Variants in ROBO2 observed in about 807,000 individuals in gnomAD.
The protein encoded by ROBO2 is roundabout guidance receptor 2.
In ROBO2, 53 loss-of-function variants were observed where a neutral mutation model predicts 160.8. The observed-to-expected ratio is 0.33, with a 90% confidence interval of 0.26 to 0.41. The LOEUF (loss-of-function observed/expected upper bound fraction) is 0.41. Ranked by LOEUF, ROBO2 falls within the 10% of genes least tolerant of loss-of-function variation. The probability of loss-of-function intolerance (pLI) is 1.00; values close to 1 mark genes in which losing one functional copy is unlikely to be tolerated. For synonymous variants in ROBO2, 664 were observed against 611.7 expected (o/e 1.09, Z -1.26); for missense variants, 1,577 against 1,722.4 (o/e 0.92, Z 1.49).
rs534894696 is a variant in ROBO2, at chr3:77,548,125, C to T, written c.1059+1663C>T. 4.6e-5 allele frequency among the ~76,000 whole-genome samples: 7 copies of T among 150,902 alleles called. No homozygotes were observed. The South Asian group carries it at 1.3e-3, about 27-fold the overall frequency. ...ACACATAGACACACATAAACACACA[C>T]CACTCACATACACATACACATACAT... On this transcript the variant is annotated intron_variant, in intron 7 of 25. Transcript: ENST00000461745.
intron 2 of ROBO2, among the ~76,000 whole-genome samples, chr3:76,096,104 C>G (rs548496170): frequency 4.7e-4 from 72 of 152,148 alleles, no homozygotes; most frequent in African/African-American, 1.7e-3. Context: ...CAATAATCTC[C>G]TCATGTGTGC....
At chr3:76,381,334 C>CTAT (rs1002552523) in intron 2 of ROBO2, among the ~76,000 whole-genome samples, 1 of 151,514 alleles carries the variant, frequency 6.6e-6, no homozygotes, top group African/African-American at 2.4e-5. Flanking sequence ...AGAATGTTCA[C>CTAT]TATTATTATT....
Position 76,424,646 on chromosome 3 carries a change from A to G in ROBO2, c.109+487044A>G, listed in dbSNP as rs372938142. Reference sequence around the variant, plus strand: ...AAAATTTGCTAAGAGGTTAGATCGTATATTAAGTGCTTTTACCAGAAAAGT... The same window carrying G: ...AAAATTTGCTAAGAGGTTAGATCGTGTATTAAGTGCTTTTACCAGAAAAGT... On this transcript the variant is annotated intron_variant, in intron 2 of 26. Coordinates refer to the ROBO2 transcript ENST00000487694. Among the ~76,000 whole-genome samples the G allele has an allele frequency of 4.6e-5, 7 of 152,178 alleles. No homozygotes were observed. The South Asian group carries it at 1.2e-3, about 27-fold the overall frequency.
chr3:77,331,268 A>G (rs2065937083), intron 2 of ROBO2, among the ~76,000 whole-genome samples: 2 of 152,244 alleles, frequency 1.3e-5, no homozygotes, highest in Non-Finnish European at 1.5e-5. Context: ...GCCAATATCT[A>G]TGTCTGAATT....
chr3:77,199,880 A>C (rs1262905159), intron 2 of ROBO2, among the ~76,000 whole-genome samples: 1 of 151,568 alleles, frequency 6.6e-6, no homozygotes, highest in Admixed American at 6.6e-5. Context: ...CTCCTGTCTC[A>C]GCCTCCCAAA....
At chr3:76,761,353 A>T (rs966355820) in intron 2 of ROBO2, among the ~76,000 whole-genome samples, 5 of 151,718 alleles carry the variant, frequency 3.3e-5, no homozygotes, top group African/African-American at 1.2e-4. Context: ...ATCTCCTTGC[A>T]TGCAGGGTGA....
rs9882202 is a variant in ROBO2 at position 76,868,507 on chromosome 3, G to C, written c.110-229507G>C. ...TTATTTTTAGACAATAAATCACAACGTTCTATGTTTGAAATAATAAAAAAT... is the reference window on the plus strand; with the variant it reads ...TTATTTTTAGACAATAAATCACAACCTTCTATGTTTGAAATAATAAAAAAT... On this transcript the variant is annotated intron_variant, in intron 2 of 26. Transcript: ENST00000487694. Among the ~76,000 whole-genome samples the C allele has an allele frequency of 5.6e-3, 850 of 152,120 alleles. 8 individuals are homozygous for C. The highest frequency in any genetic ancestry group is 0.019 in the African/African-American group (802 of 41,492).
chr3:77,147,025 CT>C (rs1326514147), intron 2 of ROBO2, among the ~76,000 whole-genome samples: 1 of 152,074 alleles, frequency 6.6e-6, no homozygotes, highest in East Asian at 1.9e-4. Context: ...AATATGTACA[CT>C]GGGGACTCAT....
intron 2 of ROBO2, among the ~76,000 whole-genome samples, chr3:76,724,231 C>T (rs374128915): frequency 6.6e-6 from 1 of 152,156 alleles, no homozygotes; most frequent in East Asian, 1.9e-4. Context: ...ACTGCAGTAG[C>T]TCCTGACCAG....
At chr3:76,963,836 C>CAAAAAAAAAAAAAAAAAAAAAAAAAAAA (rs11407644) in intron 2 of ROBO2, among the ~76,000 whole-genome samples, 1 of 106,236 alleles carries the variant, frequency 9.4e-6, no homozygotes, top group Non-Finnish European at 2.0e-5. Context: ...TGAGGAACTG[C>CAAAAAAAAAAAAAAAAAAAAAAAAAAAA]AAAAAAAAAA....
intron 1 of ROBO2, among the ~76,000 whole-genome samples, chr3:77,075,490 G>A (rs575542840): frequency 9.2e-5 from 14 of 152,112 alleles, no homozygotes; most frequent in African/African-American, 3.4e-4. Flanking sequence ...GGTGCTCCTA[G>A]TAATCACTAT....
intron 1 of ROBO2, among the ~76,000 whole-genome samples, chr3:75,927,077 C>A (rs1360379814): frequency 6.6e-6 from 1 of 152,126 alleles, no homozygotes; most frequent in Non-Finnish European, 1.5e-5. Context: ...TTGAAAGCAG[C>A]TGGAAGATAG....
Position 77,601,312 on chromosome 3 carries a change from G to A in ROBO2, c.2855-898G>A, listed in dbSNP as rs570203855. On this transcript the variant is annotated intron_variant, in intron 19 of 25. Coordinates refer to ENST00000461745, the Ensembl canonical transcript of ROBO2. ...ATATAATAATTAGATTCATTTTAAC[G>A]CTACAGGATTAAAAACAGTGTTATT... Among the ~76,000 whole-genome samples, 30 of 152,152 alleles carry A rather than the reference G, an allele frequency of 2.0e-4. 1 individual carries two copies. The highest frequency in any genetic ancestry group is 2.2e-4 in the Non-Finnish European group (15 of 67,966).
At chr3:76,556,133 T>C (rs182331695) in intron 2 of ROBO2, among the ~76,000 whole-genome samples, 1 of 151,182 alleles carries the variant, frequency 6.6e-6, no homozygotes, top group Admixed American at 6.6e-5. Flanking sequence ...TGGAAGAAAG[T>C]GAGAAAGAAA....
intron 2 of ROBO2, among the ~76,000 whole-genome samples, chr3:76,774,008 C>T (rs948017776): frequency 6.6e-6 from 1 of 150,744 alleles, no homozygotes; most frequent in Admixed American, 6.6e-5. Context: ...CAAATATGCT[C>T]CTTTTAAGAA....
chr3:76,854,087 T>TCATA, intron 2 of ROBO2, among the ~76,000 whole-genome samples: 1 of 149,430 alleles, frequency 6.7e-6, no homozygotes, highest in Admixed American at 6.7e-5. Flanking sequence ...TGCCTCTCTC[T>TCATA]CTCTCATATC....
At chr3:76,859,266 T>C (rs553909422) in intron 2 of ROBO2, among the ~76,000 whole-genome samples, 2 of 152,342 alleles carry the variant, frequency 1.3e-5, no homozygotes, top group South Asian at 2.1e-4. Context: ...ATTTTATCAA[T>C]GCAAGGACTG....
At chr3:76,155,186 T>C (rs987509776) in intron 2 of ROBO2, among the ~76,000 whole-genome samples, 5 of 152,028 alleles carry the variant, frequency 3.3e-5, no homozygotes, top group Admixed American at 3.3e-4. Context: ...CCCAATGAAC[T>C]AATAAAAAAT....
chr3:76,516,781 T>C (rs893521908), intron 2 of ROBO2, among the ~76,000 whole-genome samples: 1 of 152,132 alleles, frequency 6.6e-6, no homozygotes, highest in Non-Finnish European at 1.5e-5. Context: ...AAAAACAGTA[T>C]TCATAAGAAG....
Sources: allele counts gnomAD v4.1 joint callset (sites outside exome capture counted in the v4.1 genomes callset), GRCh38; gene constraint gnomAD v4.1.1; transcripts MANE v1.5; gene names NCBI Gene and HGNC (gene_info 2026-07-23, HGNC 2026-07-21).